The following EVPL variants were observed in gnomAD, a reference collection of about 807,000 sequenced individuals.
EVPL encodes the protein envoplakin.
Under a neutral mutation model 129.7 loss-of-function variants are expected in EVPL, and 94 were observed. The observed-to-expected ratio is 0.72, with a 90% CI of 0.61 to 0.86. EVPL has a LOEUF of 0.86. EVPL is among the 40% of genes least tolerant of loss of function. EVPL has a pLI of 0.00. For missense variants in EVPL, 2,625 were observed against 2,721.1 expected, an observed-to-expected ratio of 0.96 and a Z score of 0.79; for synonymous variants, 1,172 against 1,191.1, an observed-to-expected ratio of 0.98 and a Z score of 0.33.
In EVPL at chr17:76,009,894, G is replaced by A. The variant is rs755469583; in HGVS notation, c.3311C>T (p.Ala1104Val). Residue 1104 changes from alanine to valine, a missense_variant, in exon 22 of 22, where the codon GCG (alanine) becomes GTG (valine). Ala to Val is a moderately conservative substitution (Grantham distance 64). This residue lies in a region of EVPL where 1,453 missense variants were observed against 1,511.8 expected (regional missense o/e 0.96). Coordinates refer to ENST00000301607, the MANE Select transcript of EVPL (RefSeq NM_001988.4). The surrounding 1 kb of genome is among the most constrained non-coding windows in gnomAD (Gnocchi z 5.9). ...ALRLQMEEDA[A>V]RRKQAEEAVA... is the part of the protein sequence containing the mutation. ...AGCCTCCTCCGCCTGCTTCCTCCGC[G>A]CAGCATCCTCCTCCATCTGCAGCCT... is the stretch of plus-strand genomic sequence containing the variant. 2.9e-5 allele frequency: 46 copies of A among 1,613,954 alleles called. No individual in the cohort carries two copies. In the South Asian group the frequency reaches 3.1e-4, roughly 11 times the overall value.
At position 76,023,403 on chromosome 17, in the gene EVPL, G is replaced by A. The variant is rs531366890; in HGVS notation, c.369C>T (p.His123=). ...CCGCACACTCCTGGGTCACCCGCTC[G>A]TGCAGCTGCTTGATGCTGTCAAGAA... The part of the protein sequence containing the change: ...EEIEKDIKQL[H]ERVTQECAEY... The change falls in exon 4 of 22, where the codon CAC becomes CAT. Residue 123 remains histidine, a synonymous_variant. Coordinates refer to ENST00000301607, the MANE Select transcript of EVPL (RefSeq NM_001988.4). The A allele has an allele frequency of 2.8e-5, 45 of 1,613,752 alleles. No individual in the cohort carries two copies. Among genetic ancestry groups the A allele is most frequent in the Admixed American group, 1.3e-4 (8 of 60,004 alleles).
At chr17:76,018,707 C>G in intron 11 of EVPL, 107 bp from the exon 12 acceptor site, 1 of 1,328,298 alleles carries the variant, frequency 7.5e-7, no homozygotes, top group Non-Finnish European at 1.0e-6. Flanking sequence ...GCAGCTGGAA[C>G]AGGGACAAGA....
In EVPL at chr17:76,023,271, G is replaced by T. The variant is rs778408644; in HGVS notation, c.480+21C>A. ...CGTATCGCCCTCTGATCACACTGGG[G>T]TGTGACTTTGAGTTCCTGACCTGTT... On this transcript the variant is annotated intron_variant, in intron 4 of 21. Coordinates refer to ENST00000301607, the MANE Select transcript of EVPL (RefSeq NM_001988.4). 6.8e-6 allele frequency: 11 copies of T among 1,613,486 alleles called. No homozygotes were observed. In the Admixed American group the frequency reaches 1.3e-4, roughly 20 times the overall value.
In EVPL at chr17:76,018,265, T is replaced by G; in HGVS notation, c.1440-7A>C. On this transcript the variant is annotated splice_region_variant and splice_polypyrimidine_tract_variant and intron_variant, in intron 12 of 21. Transcript: ENST00000301607. ...CTGCAGCTCTGAGGCCAGCCTAGAA[T>G]GAAGAGGAGATTGAAGAAAGAGGTC... 1 of 1,534,250 alleles carries G rather than the reference T, an allele frequency of 6.5e-7. No homozygotes were observed. The highest frequency in any genetic ancestry group is 8.8e-7 in the Non-Finnish European group (1 of 1,137,074).
chr17:76,021,930 G>T lies in EVPL; in HGVS notation c.744C>A (p.Arg248=). The T allele has an allele frequency of 6.4e-7, 1 of 1,558,296 alleles. No individual in the cohort carries two copies. ...QLSALAEQQR[R]ILQQDWSDLM... is the part of the protein sequence containing the mutation. Reference sequence around the variant, plus strand: ...GGTCGCTCCAGTCCTGCTGCAGGATGCGGCGCTGCTGCTCAGCCAGGGCGC... The same window carrying T: ...GGTCGCTCCAGTCCTGCTGCAGGATTCGGCGCTGCTGCTCAGCCAGGGCGC... The change falls in exon 7 of 22, where the codon CGC becomes CGA. Residue 248 remains arginine, a synonymous_variant. Transcript: ENST00000301607.
chr17:76,015,055 C>T lies in EVPL; in HGVS notation c.2083G>A (p.Ala695Thr), dbSNP rs1347136164. 12 of 1,588,040 alleles carry T rather than the reference C, an allele frequency of 7.6e-6. No homozygotes were observed. Among genetic ancestry groups the T allele is most frequent in the South Asian group, 4.4e-5 (4 of 90,810 alleles). The change falls in exon 17 of 22, where the codon GCG (alanine) becomes ACG (threonine). Residue 695 changes from alanine (A) to threonine (T), a missense_variant. Coordinates refer to ENST00000301607, the MANE Select transcript of EVPL (RefSeq NM_001988.4). ...CATGCGTGCTCCGAGGCCTTCAGCG[C>T]GCGGTGTAGCCGCAGCACGCAGGTC... Reference protein sequence around the residue: ...QQTCVLRLHRALKASEHACAA... With the variant: ...QQTCVLRLHRTLKASEHACAA...
chr17:76,017,689 A>G, intron 14 of EVPL, 50 bp downstream of exon 14: 1 of 1,583,786 alleles, frequency 6.3e-7, no homozygotes, highest in Non-Finnish European at 8.6e-7. Flanking sequence ...TGTGAGCACC[A>G]GGGCCGGGCC....
In EVPL at chr17:76,024,236, G is replaced by T; in HGVS notation, c.99-116C>A. 1.0e-6 allele frequency: 1 copy of T among 974,348 alleles called. No individual in the cohort carries two copies. The highest frequency in any genetic ancestry group is 1.6e-6 in the Non-Finnish European group (1 of 639,562). 60.4% of individuals were successfully genotyped at this position (974,348 alleles called of 1,614,324 possible). On this transcript the variant is annotated intron_variant, in intron 1 of 21. Coordinates refer to ENST00000301607, the MANE Select transcript of EVPL (RefSeq NM_001988.4). The surrounding 1 kb of genome is among the most constrained non-coding windows in gnomAD (Gnocchi z 4.5). ...TCCTGCCCCCACAGCCTAGCTCACTGCCCTGACTTTGGGGTCTCTCTCTGC... is the reference window on the plus strand; with the variant it reads ...TCCTGCCCCCACAGCCTAGCTCACTTCCCTGACTTTGGGGTCTCTCTCTGC...
chr17:76,007,155 C>A lies in EVPL; in HGVS notation c.6050G>T (p.Gly2017Val), dbSNP rs548361798. ...GLLLLPAALE[G>V]YRCYRSASPT... ...GGAGGCGGAGCGGTAGCAGCGGTACCCCTCCAGTGCCGCTGGCAGGAGCAG... is the reference window on the plus strand; with the variant it reads ...GGAGGCGGAGCGGTAGCAGCGGTACACCTCCAGTGCCGCTGGCAGGAGCAG... The change falls in exon 22 of 22, where the codon GGG (glycine) becomes GTG (valine). Residue 2017 changes from glycine (G) to valine (V), a missense_variant. Gly to Val is a moderately radical substitution (Grantham distance 109). Coordinates refer to ENST00000301607, the MANE Select transcript of EVPL (RefSeq NM_001988.4). This position sits in a 1 kb window ranked among gnomAD's most constrained non-coding sequence, Gnocchi z 8.8. 4 of 1,502,694 alleles carry A rather than the reference C, an allele frequency of 2.7e-6. No homozygotes were observed. Among genetic ancestry groups the A allele is most frequent in the East Asian group, 2.3e-5 (1 of 43,708 alleles). 93.1% of individuals were successfully genotyped at this position (1,502,694 alleles called of 1,614,324 possible).
chr17:76,007,337 C>T lies in EVPL; in HGVS notation c.5868G>A (p.Gln1956=), dbSNP rs778737774. The T allele has an allele frequency of 1.4e-5, 22 of 1,569,414 alleles. No homozygotes were observed. Among genetic ancestry groups the T allele is most frequent in the Non-Finnish European group, 1.7e-5 (20 of 1,153,448 alleles). ...DPKRTGRIPI[Q]QALLSGMISE... ...TGATCATCCCGGAGAGGAGGGCCTG[C>T]TGGATGGGGATGCGGCCTGTCCTCT... is the stretch of plus-strand genomic sequence containing the variant. The change falls in exon 22 of 22, where the codon CAG becomes CAA. Residue 1956 remains glutamine, a synonymous_variant. Coordinates refer to ENST00000301607, the MANE Select transcript of EVPL (RefSeq NM_001988.4). The surrounding 1 kb of genome is among the most constrained non-coding windows in gnomAD (Gnocchi z 8.8).
At position 76,009,521 on chromosome 17, in the gene EVPL, C is replaced by T. The variant is rs749319043; in HGVS notation, c.3684G>A (p.Glu1228=). ...QEMAGKRSGV[E]KEVEKLLPDL... ...CGGGCAGCAGCTTCTCCACCTCCTT[C>T]TCCACACCGCTCCTCTTGCCCGCCA... The change falls in exon 22 of 22, where the codon GAG becomes GAA. Residue 1228 remains glutamate (E), a synonymous_variant. Coordinates refer to ENST00000301607, the MANE Select transcript of EVPL (RefSeq NM_001988.4). The surrounding 1 kb of genome is among the most constrained non-coding windows in gnomAD (Gnocchi z 5.9). 6.2e-7 allele frequency: 1 copy of T among 1,614,160 alleles called. No homozygotes were observed. Among genetic ancestry groups the T allele is most frequent in the South Asian group, 1.1e-5 (1 of 91,088 alleles).
At chr17:76,026,548 T>A (rs1364849372) in intron 1 of EVPL, among the ~76,000 whole-genome samples, 1 of 152,176 alleles carries the variant, frequency 6.6e-6, no homozygotes, top group African/African-American at 2.4e-5. Flanking sequence ...AACAAGGCCC[T>A]GGGTGAGAAC....
In EVPL at chr17:76,021,699, C is replaced by G. The variant is rs144574102; in HGVS notation, c.890G>C (p.Arg297Pro). 1.1e-3 allele frequency: 1,755 copies of G among 1,589,578 alleles called. 8 individuals are homozygous for G. In the African/African-American group the frequency reaches 0.02, roughly 18 times the overall value. ...EDDGERMVEL[R>P]HPAVGPIQAH... ...CTGGATGGGCCCCACCGCGGGGTGC[C>G]GCAGCTCCACCATGCGCTCGCCGTC... is the stretch of plus-strand genomic sequence containing the variant. The change falls in exon 8 of 22, where the codon CGG becomes CCG. Residue 297 changes from arginine (R) to proline (P), a missense_variant. By Grantham distance (103) the Arg-to-Pro change is moderately radical. Coordinates refer to ENST00000301607, the MANE Select transcript of EVPL (RefSeq NM_001988.4).
rs2066323647 is a variant in EVPL at position 76,007,202 on chromosome 17, G to T, written c.6003C>A (p.Arg2001=). 6.5e-7 allele frequency: 1 copy of T among 1,543,510 alleles called. No homozygotes were observed. Among genetic ancestry groups the T allele is most frequent in the Non-Finnish European group, 8.7e-7 (1 of 1,142,924 alleles). The change falls in exon 22 of 22, where the codon CGC becomes CGA. Residue 2001 remains arginine, a synonymous_variant. Transcript: ENST00000301607. The surrounding 1 kb of genome is among the most constrained non-coding windows in gnomAD (Gnocchi z 8.8). ...LSYKEAMGRC[R]KDPLSGLLLL... ...GCAGCAGGCCGCTCAGGGGGTCTTT[G>T]CGGCAGCGGCCCATGGCCTCCTTGT... is the stretch of plus-strand genomic sequence containing the variant.
rs1460315329 is a variant in EVPL at position 76,008,592 on chromosome 17, C to A, written c.4613G>T (p.Arg1538Leu). 1.2e-6 allele frequency: 2 copies of A among 1,611,330 alleles called. No homozygotes were observed. Among genetic ancestry groups the A allele is most frequent in the African/African-American group, 2.7e-5 (2 of 74,956 alleles). Residue 1538 changes from arginine to leucine, a missense_variant, in exon 22 of 22, where the codon CGC becomes CTC. By Grantham distance (102) the Arg-to-Leu change is moderately radical. Around this residue, in one of 4 missense-constraint regions of EVPL, gnomAD observed 1,453 missense variants for 1,511.8 expected, o/e 0.96. Coordinates refer to ENST00000301607, the MANE Select transcript of EVPL (RefSeq NM_001988.4). This position sits in a 1 kb window ranked among gnomAD's most constrained non-coding sequence, Gnocchi z 7.4. ...CTCCCTGTTGAGCATCTCCCACACG[C>A]GGGCCCGCTCATCTTCCAGGACGCG... ...KDRVLEDERA[R>L]VWEMLNRERT...
intron 1 of EVPL, among the ~76,000 whole-genome samples, chr17:76,026,838 G>A (rs1305864658): frequency 6.6e-6 from 1 of 152,248 alleles, no homozygotes; most frequent in Non-Finnish European, 1.5e-5. Flanking sequence ...GCCTCAATCC[G>A]TGGCCCTCAG....
rs2066487700 is a variant in EVPL at position 76,024,805 on chromosome 17, C to T, written c.99-685G>A. On this transcript the variant is annotated intron_variant, in intron 1 of 21. Coordinates refer to ENST00000301607, the MANE Select transcript of EVPL (RefSeq NM_001988.4). The surrounding 1 kb of genome is among the most constrained non-coding windows in gnomAD (Gnocchi z 4.5). The stretch of plus-strand genomic sequence containing the variant: ...GGGTGGAGGGGAAACCTTGCTTCCA[C>T]CCCAGGGCTTTTTCTGTGCATTCGC... 6.6e-6 allele frequency among the ~76,000 whole-genome samples: 1 copy of T among 152,216 alleles called. No individual in the cohort carries two copies.
At position 76,008,266 on chromosome 17, in the gene EVPL, G is replaced by C. The variant is rs149555245; in HGVS notation, c.4939C>G (p.Arg1647Gly). 5 of 1,612,686 alleles carry C rather than the reference G, an allele frequency of 3.1e-6. No homozygotes were observed. In the South Asian group the frequency reaches 3.3e-5, roughly 11 times the overall value. Residue 1647 changes from arginine to glycine, a missense_variant, in exon 22 of 22, where the codon CGC (arginine) becomes GGC (glycine). Physicochemically the swap from Arg to Gly is moderately radical, Grantham distance 125. This residue lies in a region of EVPL where 1,453 missense variants were observed against 1,511.8 expected (regional missense o/e 0.96). Coordinates refer to ENST00000301607, the MANE Select transcript of EVPL (RefSeq NM_001988.4). The surrounding 1 kb of genome is among the most constrained non-coding windows in gnomAD (Gnocchi z 7.4). ...TTCTCGTAGATCTGGTCCTTCTCGCGGAGGATGGCCGCCTCCAGCCGCGAG... is the reference window on the plus strand; with the variant it reads ...TTCTCGTAGATCTGGTCCTTCTCGCCGAGGATGGCCGCCTCCAGCCGCGAG... Reference protein sequence around the residue: ...ELSRLEAAILREKDQIYEKER... With the variant: ...ELSRLEAAILGEKDQIYEKER...
At chr17:76,020,739 T>C (rs2066451788) in intron 9 of EVPL, among the ~76,000 whole-genome samples, 1 of 152,086 alleles carries the variant, frequency 6.6e-6, no homozygotes, top group Non-Finnish European at 1.5e-5. Flanking sequence ...TCTATTTGTA[T>C]AGAGACAGGG....
Sources: gnomAD v4.1 joint callset for allele counts (sites outside exome capture counted in the v4.1 genomes callset) on GRCh38, gnomAD v4.1.1 for gene constraint, gnomAD v4.1.1 regional missense constraint, Gnocchi (gnomAD v3.1) non-coding constraint, MANE v1.5 for transcripts, NCBI Gene and HGNC (gene_info 2026-07-23, HGNC 2026-07-21) for gene names.